Variants in GRB2 observed in about 807,000 individuals in gnomAD.
The protein encoded by GRB2 is growth factor receptor bound protein 2.
Under a neutral mutation model 27.4 loss-of-function variants are expected in GRB2, and 2 were observed. The observed-to-expected ratio is 0.07, with a 90% CI of 0.03 to 0.23. The LOEUF (loss-of-function observed/expected upper bound fraction) is 0.23. Among genes scored for constraint, GRB2 ranks in the 10% least tolerant of loss-of-function variants. The pLI is 1.00. For missense variants in GRB2, 102 were observed against 282.4 expected, an observed-to-expected ratio of 0.36 and a Z score of 4.58; for synonymous variants, 94 against 99.6, an observed-to-expected ratio of 0.94 and a Z score of 0.33.
chr17:75,338,226 A>G (rs1339465528), intron 2 of GRB2, among the ~76,000 whole-genome samples: 3 of 151,750 alleles, frequency 2.0e-5, no homozygotes, highest in Admixed American at 2.0e-4. Flanking sequence ...CACCATGCTC[A>G]GCTAATTTTT....
At chr17:75,328,857 G>GA (rs923615273) in intron 3 of GRB2, among the ~76,000 whole-genome samples, 4 of 151,082 alleles carry the variant, frequency 2.6e-5, no homozygotes, top group Admixed American at 6.6e-5. Context: ...AGAATGGAGT[G>GA]AACCTGGGAG....
intron 2 of GRB2, among the ~76,000 whole-genome samples, chr17:75,378,827 T>C (rs997862807): frequency 7.9e-5 from 12 of 152,342 alleles, no homozygotes; most frequent in African/African-American, 2.9e-4. Context: ...TAGCATTAAA[T>C]GAGGCCATTA....
intron 4 of GRB2, among the ~76,000 whole-genome samples, chr17:75,324,841 C>A (rs1042685284): frequency 2.6e-5 from 4 of 151,912 alleles, no homozygotes; most frequent in Non-Finnish European, 2.9e-5. Flanking sequence ...TTTGGGAGGT[C>A]GAGGTGGGTG....
intron 2 of GRB2, among the ~76,000 whole-genome samples, chr17:75,377,808 G>T (rs1274902500): frequency 1.3e-5 from 2 of 152,082 alleles, no homozygotes; most frequent in Non-Finnish European, 2.9e-5. Context: ...TAGGGAGGCT[G>T]AGGTGGTAGA....
intron 2 of GRB2, chr17:75,339,190 T>A: frequency 1.2e-6 from 1 of 826,082 alleles, no homozygotes; most frequent in African/African-American, 1.7e-5. Context: ...AAATCCTGAG[T>A]TTATGTTTTT....
rs916248671 is a variant in GRB2 at position 75,389,719 on chromosome 17, G to A, written c.78+3832C>T. On this transcript the variant is annotated intron_variant, in intron 2 of 5. Coordinates refer to ENST00000316804, the MANE Select transcript of GRB2 (RefSeq NM_002086.5). ...AAATTAGCCGGGCGTGCTGGTGGGT[G>A]CCTGTAGTCCCAGCTACTGGGAGGC... Among the ~76,000 whole-genome samples the A allele has an allele frequency of 5.5e-4, 83 of 152,210 alleles. 1 individual carries two copies. Among genetic ancestry groups the A allele is most frequent in the African/African-American group, 1.9e-3 (80 of 41,508 alleles).
intron 5 of GRB2, 140 bp downstream of exon 5, chr17:75,321,519 A>G: frequency 1.4e-6 from 1 of 708,288 alleles, no homozygotes; most frequent in Non-Finnish European, 2.4e-6. Flanking sequence ...TAACATTTTC[A>G]GTAAGGAGCA....
rs2078447397 is a variant in GRB2, at chr17:75,320,021, G to A, written c.*347C>T. The A allele has an allele frequency of 5.5e-6, 1 of 182,696 alleles. No individual in the cohort carries two copies. The highest frequency in any genetic ancestry group is 1.2e-5 in the Non-Finnish European group (1 of 85,666). 11.3% of individuals were successfully genotyped at this position (182,696 alleles called of 1,614,324 possible). The stretch of plus-strand genomic sequence containing the variant: ...AGAATACCAGCCCACTTGGTTTCTT[G>A]TTTTTTATTATTGGCGTCAGCTAGG... On this transcript the variant is annotated 3_prime_UTR_variant, in exon 6 of 6. Coordinates refer to ENST00000316804, the MANE Select transcript of GRB2 (RefSeq NM_002086.5). This position sits in a 1 kb window ranked among gnomAD's most constrained non-coding sequence, Gnocchi z 4.3.
At chr17:75,358,566 T>C (rs1276238894) in intron 2 of GRB2, among the ~76,000 whole-genome samples, 1 of 151,786 alleles carries the variant, frequency 6.6e-6, no homozygotes, top group East Asian at 1.9e-4. Flanking sequence ...ATTAAGATCA[T>C]TAAGAGTAAC....
chr17:75,324,507 G>GTCTTTTTTTTTTTTTTTTT lies in GRB2; in HGVS notation c.299+1390_299+1391insAAAAAAAAAAAAAAAAAGA, dbSNP rs1555608338. The stretch of plus-strand genomic sequence containing the variant: ...TTACAGGTGTGAGCCACCGCACCCA[G>GTCTTTTTTTTTTTTTTTTT]TTTTTTTTTTTTTTTTTTTTTTTTT... On this transcript the variant is annotated intron_variant, in intron 4 of 5. Coordinates refer to ENST00000316804, the MANE Select transcript of GRB2 (RefSeq NM_002086.5). Among the ~76,000 whole-genome samples, 4 of 36,704 alleles carry GTCTTTTTTTTTTTTTTTTT rather than the reference G, an allele frequency of 1.1e-4. 1 individual carries two copies. Among genetic ancestry groups the GTCTTTTTTTTTTTTTTTTT allele is most frequent in the African/African-American group, 3.3e-4 (4 of 12,198 alleles). 24.1% of individuals were successfully genotyped at this position (36,704 alleles called of 152,430 possible). A position where few individuals can be genotyped will look rare whatever the true frequency, so the allele number is the denominator to read the frequency against.
intron 2 of GRB2, 111 bp downstream of exon 2, chr17:75,393,440 G>A (rs1046915861): frequency 7.1e-6 from 6 of 847,950 alleles, no homozygotes; most frequent in African/African-American, 3.3e-5. Flanking sequence ...GATGGTAAAT[G>A]TTAAAAGTGT....
chr17:75,325,567 C>T (rs562908193), intron 4 of GRB2, among the ~76,000 whole-genome samples: 2 of 152,274 alleles, frequency 1.3e-5, no homozygotes, highest in Middle Eastern at 3.4e-3. Flanking sequence ...AGCCGACAGG[C>T]GCTCCACTAT....
Position 75,319,894 on chromosome 17 carries a change from C to T in GRB2, c.*474G>A, listed in dbSNP as rs993820838. On this transcript the variant is annotated 3_prime_UTR_variant, in exon 6 of 6. Coordinates refer to ENST00000316804, the MANE Select transcript of GRB2 (RefSeq NM_002086.5). Reference sequence around the variant, plus strand: ...GGAGGAAGCTAAACAGCAAAGGCATCGAGCGGCCCTGCCCGCTCCTTTTTG... The same window carrying T: ...GGAGGAAGCTAAACAGCAAAGGCATTGAGCGGCCCTGCCCGCTCCTTTTTG... 5 of 154,392 alleles carry T rather than the reference C, an allele frequency of 3.2e-5. No homozygotes were observed. Among genetic ancestry groups the T allele is most frequent in the Admixed American group, 6.4e-5 (1 of 15,632 alleles). 9.6% of individuals were successfully genotyped at this position (154,392 alleles called of 1,614,324 possible).
In GRB2 at chr17:75,393,730, G is replaced by C. The variant is rs1238215092; in HGVS notation, c.-102C>G. Reference sequence around the variant, plus strand: ...GGGCTTAGCCTCGCCTCTCTTCTGGGACTCGCTCCGGCACTCTGGGACACA... The same window carrying C: ...GGGCTTAGCCTCGCCTCTCTTCTGGCACTCGCTCCGGCACTCTGGGACACA... On this transcript the variant is annotated 5_prime_UTR_variant, in exon 2 of 6. Coordinates refer to ENST00000316804, the MANE Select transcript of GRB2 (RefSeq NM_002086.5). The C allele has an allele frequency of 9.4e-6, 8 of 854,776 alleles. No individual in the cohort carries two copies. The highest frequency in any genetic ancestry group is 1.6e-5 in the Non-Finnish European group (8 of 513,072). The allele number at this position is 854,776 out of a possible 1,614,324, so 52.9% of individuals were successfully genotyped here. A position where few individuals can be genotyped will look rare whatever the true frequency, so the allele number is the denominator to read the frequency against.
chr17:75,321,893 C>T (rs938501469), intron 4 of GRB2, 66 bp from the exon 5 acceptor site: 3 of 1,477,446 alleles, frequency 2.0e-6, no homozygotes, highest in Admixed American at 1.8e-5. Context: ...AGGGTATTTC[C>T]ATATAGGAGC....
intron 2 of GRB2, among the ~76,000 whole-genome samples, chr17:75,349,110 G>A (rs56184611): frequency 2.5e-4 from 38 of 152,302 alleles, no homozygotes; most frequent in South Asian, 1.7e-3. Context: ...GCTTATAACA[G>A]GTGAGAGGGT....
At chr17:75,321,615 ATTC>A in intron 5 of GRB2, 41 bp downstream of exon 5, 1 of 1,582,310 alleles carries the variant, frequency 6.3e-7, no homozygotes, top group Non-Finnish European at 8.7e-7. Context: ...CTGAGGAGCT[ATTC>A]TTAACTAAAA....
At chr17:75,349,902 TTAGTGA>T (rs951146391) in intron 2 of GRB2, among the ~76,000 whole-genome samples, 4 of 152,014 alleles carry the variant, frequency 2.6e-5, no homozygotes, top group East Asian at 1.9e-4. Flanking sequence ...AAGTTAATAC[TTAGTGA>T]TAGGGATAGT....
chr17:75,358,882 C>CA (rs71159498), intron 2 of GRB2, among the ~76,000 whole-genome samples: 9,602 of 94,076 alleles, frequency 0.1, 853 homozygotes, highest in African/African-American at 0.24. Flanking sequence ...GACTCTGTCT[C>CA]AAAAAAAAAA....
Sources: allele counts gnomAD v4.1 joint callset (sites outside exome capture counted in the v4.1 genomes callset), GRCh38; gene constraint gnomAD v4.1.1; non-coding constraint Gnocchi (gnomAD v3.1); transcripts MANE v1.5; gene names NCBI Gene and HGNC (gene_info 2026-07-23, HGNC 2026-07-21).